KSR2: variants seen among roughly 807,000 people sequenced by gnomAD.
KSR2 encodes the protein kinase suppressor of ras 2.
In KSR2, 25 loss-of-function variants were observed where a neutral mutation model predicts 107.8. The ratio of observed to expected loss-of-function variants is 0.23; its 90% CI spans 0.17 to 0.32. The LOEUF (loss-of-function observed/expected upper bound fraction) is 0.32, where lower values mean the gene tolerates loss of function less well. KSR2 is among the 10% of genes least tolerant of loss of function. KSR2 has a pLI of 1.00. For missense variants in KSR2, 887 were observed against 1,268.9 expected (o/e 0.70, Z 4.57); for synonymous variants, 480 against 507.0 (o/e 0.95, Z 0.71).
chr12:117,565,826 T>C (rs1039165773), intron 7 of KSR2, among the ~76,000 whole-genome samples: 2 of 152,214 alleles, frequency 1.3e-5, no homozygotes, highest in Non-Finnish European at 2.9e-5. Flanking sequence ...TGTGTAATCA[T>C]GTGATATATA....
intron 5 of KSR2, among the ~76,000 whole-genome samples, chr12:117,594,272 C>A (rs1360226840): frequency 6.6e-6 from 1 of 152,156 alleles, no homozygotes; most frequent in Non-Finnish European, 1.5e-5. Context: ...ACAGACCAGA[C>A]AAGCTTGCTG....
intron 1 of KSR2, among the ~76,000 whole-genome samples, chr12:117,940,695 G>C (rs533360101): frequency 3.9e-4 from 59 of 152,328 alleles, no homozygotes; most frequent in Non-Finnish European, 7.9e-4. Flanking sequence ...ATATGGCAAA[G>C]AGCACAAAGT....
chr12:117,551,637 A>G (rs1325164592), intron 9 of KSR2, among the ~76,000 whole-genome samples: 3 of 152,122 alleles, frequency 2.0e-5, no homozygotes, highest in Admixed American at 2.0e-4. Flanking sequence ...TAGACAGGAG[A>G]CAAGACAAAG....
intron 18 of KSR2, 97 bp downstream of exon 18, chr12:117,471,094 A>G: frequency 6.8e-7 from 1 of 1,478,998 alleles, no homozygotes. Context: ...ACCCTATGGG[A>G]AAGCATTTGT....
rs1169798693 is a variant in KSR2, at chr12:117,463,902, T to G, written c.*3297A>C. 4 of 152,152 alleles carry G rather than the reference T, an allele frequency of 2.6e-5. No homozygotes were observed. Among genetic ancestry groups the G allele is most frequent in the African/African-American group, 9.7e-5 (4 of 41,360 alleles). The allele number at this position is 152,152 out of a possible 1,614,324, so 9.4% of individuals were successfully genotyped here. ...AGGTTCCCTGGATACAAAAGTCTAG[T>G]GGTCAATATCAGTCAAGGGCTTCTA... On this transcript the variant is annotated 3_prime_UTR_variant, in exon 20 of 20. Coordinates refer to ENST00000339824, the MANE Select transcript of KSR2 (RefSeq NM_173598.6).
At chr12:117,964,382 AT>A (rs1216642120) in intron 1 of KSR2, among the ~76,000 whole-genome samples, 2 of 152,224 alleles carry the variant, frequency 1.3e-5, no homozygotes, top group African/African-American at 2.4e-5. Flanking sequence ...TCCCAAACTT[AT>A]TAACCACAGA....
At chr12:117,628,823 G>C (rs1190305707) in intron 5 of KSR2, among the ~76,000 whole-genome samples, 4 of 152,276 alleles carry the variant, frequency 2.6e-5, no homozygotes, top group Non-Finnish European at 4.4e-5. Flanking sequence ...GGAGTCTAGA[G>C]GCAGTAGGCC....
chr12:117,626,295 T>G (rs1882509380), intron 5 of KSR2, among the ~76,000 whole-genome samples: 1 of 152,208 alleles, frequency 6.6e-6, no homozygotes, highest in Admixed American at 6.5e-5. Context: ...AATTGTGATG[T>G]TGGGGTGTTG....
chr12:117,835,532 G>A (rs781433725), intron 3 of KSR2, among the ~76,000 whole-genome samples: 2 of 152,072 alleles, frequency 1.3e-5, no homozygotes, highest in African/African-American at 2.4e-5. Context: ...CGTCAGTGTC[G>A]TCATAATCAT....
rs532992801 is a variant in KSR2 at position 117,945,200 on chromosome 12, C to A, written c.180+22876G>T. ...AGCAAGGATATCAAGGATCTAAACA[C>A]CATCAACCAACTGGATATAATTGAC... On this transcript the variant is annotated intron_variant, in intron 1 of 19. Coordinates refer to ENST00000339824, the MANE Select transcript of KSR2 (RefSeq NM_173598.6). Among the ~76,000 whole-genome samples the A allele has an allele frequency of 5.9e-5, 9 of 152,260 alleles. No homozygotes were observed. In the South Asian group the frequency reaches 1.9e-3, roughly 32 times the overall value.
At chr12:117,896,069 C>A (rs116480802) in intron 1 of KSR2, among the ~76,000 whole-genome samples, 1 of 152,104 alleles carries the variant, frequency 6.6e-6, no homozygotes, top group African/African-American at 2.4e-5. Flanking sequence ...AAAACTTGTA[C>A]GTGAATGTTC....
In KSR2 at chr12:117,667,463, G is replaced by A. The variant is rs748460037; in HGVS notation, c.1171+11C>T. 3 of 1,607,066 alleles carry A rather than the reference G, an allele frequency of 1.9e-6. No homozygotes were observed. Among genetic ancestry groups the A allele is most frequent in the South Asian group, 2.2e-5 (2 of 89,536 alleles). ...CAAGCGTTCCCAGTGCAGCCCGGCA[G>A]GGTGACTTACTTGCAGAGAAGTTGG... On this transcript the variant is annotated intron_variant, in intron 5 of 19. Transcript: ENST00000339824.
rs147632705 is a variant in KSR2, at chr12:117,894,069, C to A, written c.181-33638G>T. On this transcript the variant is annotated intron_variant, in intron 1 of 19. Transcript: ENST00000339824. ...GGAATACAGGCGCCTGCCACTACAC[C>A]CGGCTAATTTTTTGTATATTTAGTA... Among the ~76,000 whole-genome samples, 543 of 152,218 alleles carry A rather than the reference C, an allele frequency of 3.6e-3. 2 individuals carry two copies. Among genetic ancestry groups the A allele is most frequent in the African/African-American group, 0.012 (488 of 41,532 alleles).
At chr12:117,963,312 C>G (rs1896709968) in intron 1 of KSR2, among the ~76,000 whole-genome samples, 1 of 152,198 alleles carries the variant, frequency 6.6e-6, no homozygotes, top group African/African-American at 2.4e-5. Context: ...AAACTCTTTA[C>G]TATCTGTCCC....
chr12:117,940,857 G>A (rs1163056073), intron 1 of KSR2, among the ~76,000 whole-genome samples: 1 of 152,030 alleles, frequency 6.6e-6, no homozygotes, highest in African/African-American at 2.4e-5. Flanking sequence ...AGGCTGAGGC[G>A]GGTGGATCAC....
intron 9 of KSR2, among the ~76,000 whole-genome samples, chr12:117,547,544 G>A (rs184489605): frequency 2.6e-4 from 39 of 152,078 alleles, no homozygotes; most frequent in African/African-American, 9.2e-4. Flanking sequence ...GGATGCCAGG[G>A]TTCAGCTTGA....
At chr12:117,573,672 C>T (rs562997604) in intron 7 of KSR2, among the ~76,000 whole-genome samples, 7 of 151,920 alleles carry the variant, frequency 4.6e-5, no homozygotes, top group Non-Finnish European at 7.4e-5. Flanking sequence ...GGATTACAGG[C>T]GCCCATCACC....
chr12:117,819,377 T>TC (rs1891485283), intron 3 of KSR2, among the ~76,000 whole-genome samples: 1 of 152,208 alleles, frequency 6.6e-6, no homozygotes, highest in African/African-American at 2.4e-5. Context: ...CTAGAGGGCG[T>TC]CGTAGGTGCC....
chr12:117,631,584 T>A (rs1270478164), intron 5 of KSR2, among the ~76,000 whole-genome samples: 1 of 152,192 alleles, frequency 6.6e-6, no homozygotes, highest in East Asian at 1.9e-4. Context: ...TTTTTCTTCA[T>A]CAATATTCCA....
Sources: gnomAD v4.1 joint callset for allele counts (sites outside exome capture counted in the v4.1 genomes callset) on GRCh38, gnomAD v4.1.1 for gene constraint, MANE v1.5 for transcripts, NCBI Gene and HGNC (gene_info 2026-07-23, HGNC 2026-07-21) for gene names.